Variants in PIWIL1 observed in about 807,000 individuals in gnomAD.
The protein encoded by PIWIL1 is piwi-like protein 1.
PIWIL1 carries 73 observed loss-of-function variants against 114.4 expected under a neutral mutation model. The ratio of observed to expected loss-of-function variants is 0.64; its 90% CI spans 0.53 to 0.78. PIWIL1 has a LOEUF of 0.78. Among genes scored for constraint, PIWIL1 ranks in the 30% least tolerant of loss-of-function variants. The pLI is 0.00. For synonymous variants in PIWIL1, 375 were observed against 369.0 expected (o/e 1.02, Z -0.19); for missense variants, 723 against 1,063.1 (o/e 0.68, Z 4.45).
At chr12:130,412,115 C>T in the PIWIL1 span, among the ~76,000 whole-genome samples, 2 of 151,974 alleles carry the variant, frequency 1.3e-5, no homozygotes, top group Non-Finnish European at 2.9e-5. Flanking sequence ...AATAGTTTTG[C>T]TGCATTCTCA....
chr12:130,393,354 G>A, the PIWIL1 span, among the ~76,000 whole-genome samples: 1 of 151,496 alleles, frequency 6.6e-6, no homozygotes, highest in Non-Finnish European at 1.5e-5. Context: ...GTGTCCGTCA[G>A]TTACCTGGTG....
chr12:130,358,250 C>T (rs115316223), intron 14 of PIWIL1, among the ~76,000 whole-genome samples: 42 of 152,242 alleles, frequency 2.8e-4, no homozygotes, highest in African/African-American at 1.0e-3. Context: ...GAGACAGGGA[C>T]GTTAGATGAT....
chr12:130,405,463 C>T, the PIWIL1 span, among the ~76,000 whole-genome samples: 1 of 152,178 alleles, frequency 6.6e-6, no homozygotes, highest in Non-Finnish European at 1.5e-5. Context: ...GGGACCCCCA[C>T]TGGGCTCTGC....
At chr12:130,349,497 A>G (rs1479082211) in intron 8 of PIWIL1, 61 bp downstream of exon 8, 1 of 1,105,888 alleles carries the variant, frequency 9.0e-7, no homozygotes, top group Admixed American at 1.9e-5. Flanking sequence ...GTGGCTTTCT[A>G]GTTCTACCAT....
the PIWIL1 span, among the ~76,000 whole-genome samples, chr12:130,393,243 A>C: frequency 6.9e-6 from 1 of 143,986 alleles, no homozygotes; most frequent in East Asian, 2.0e-4. Flanking sequence ...TTACCTGGTG[A>C]GTATTGAATG....
intron 16 of PIWIL1, 75 bp downstream of exon 16, chr12:130,361,676 A>G (rs1043503712): frequency 2.6e-6 from 3 of 1,142,818 alleles, no homozygotes; most frequent in Non-Finnish European, 3.9e-6. Context: ...AGTAGTGTTC[A>G]TTCTTCGTTG....
At chr12:130,407,886 G>T in the PIWIL1 span, 1 of 1,493,268 alleles carries the variant, frequency 6.7e-7, no homozygotes, top group East Asian at 2.3e-5. Flanking sequence ...AAACTTAGCG[G>T]TGTTCCCCTC....
At chr12:130,356,812 G>A in intron 12 of PIWIL1, 106 bp from the exon 13 acceptor site, 1 of 710,714 alleles carries the variant, frequency 1.4e-6, no homozygotes. Context: ...CATAAAAGTA[G>A]TACACTAAGT....
At chr12:130,421,723 G>GTGTGTGTGTT in the PIWIL1 span, among the ~76,000 whole-genome samples, 10 of 148,066 alleles carry the variant, frequency 6.8e-5, no homozygotes, top group Non-Finnish European at 1.5e-4. Context: ...GTGTGTGTGT[G>GTGTGTGTGTT]TTTTCATAGA....
intron 13 of PIWIL1, among the ~76,000 whole-genome samples, 180 bp from the exon 14 acceptor site, chr12:130,357,301 C>T (rs1018255910): frequency 2.6e-5 from 4 of 151,818 alleles, no homozygotes; most frequent in Non-Finnish European, 5.9e-5. Flanking sequence ...TTTCTGAAAC[C>T]TGCGTGCTTA....
intron 19 of PIWIL1, among the ~76,000 whole-genome samples, chr12:130,369,243 C>T (rs937799332): frequency 1.3e-5 from 2 of 152,172 alleles, no homozygotes; most frequent in African/African-American, 4.8e-5. Flanking sequence ...CTTTATATGG[C>T]TGCATAGTAT....
intron 16 of PIWIL1, 112 bp from the exon 17 acceptor site, chr12:130,362,654 G>C (rs2073546038): frequency 2.3e-6 from 2 of 862,410 alleles, no homozygotes; most frequent in African/African-American, 3.3e-5. Context: ...TGTCTTTAAG[G>C]CAGTTACAAA....
downstream of PIWIL1, among the ~76,000 whole-genome samples, chr12:130,376,557 C>G (rs2136208681): frequency 6.6e-6 from 1 of 152,316 alleles, no homozygotes; most frequent in Non-Finnish European, 1.5e-5. Context: ...TTTCTTGAAG[C>G]CCTGTTCCAG....
chr12:130,414,217 C>A, the PIWIL1 span: 1 of 1,614,204 alleles, frequency 6.2e-7, no homozygotes, highest in Non-Finnish European at 8.5e-7. Context: ...AAGAGAGCCA[C>A]AAAGATCCGG....
chr12:130,424,576 C>G, the PIWIL1 span: 2 of 1,231,996 alleles, frequency 1.6e-6, no homozygotes, highest in East Asian at 6.3e-5. This position sits in a 1 kb window ranked among gnomAD's most constrained non-coding sequence, Gnocchi z 9.8. Context: ...AGAAGGAAGT[C>G]CTCCACGTGG....
At chr12:130,363,234 A>G in intron 18 of PIWIL1, 90 bp downstream of exon 18, 1 of 1,316,318 alleles carries the variant, frequency 7.6e-7, no homozygotes, top group Non-Finnish European at 1.1e-6. Flanking sequence ...AGGATGAGGG[A>G]GAACCTAACT....
rs750461577 is a variant in PIWIL1, at chr12:130,342,614, G to A, written c.23G>A (p.Arg8Lys). 3 of 1,613,864 alleles carry A rather than the reference G, an allele frequency of 1.9e-6. No homozygotes were observed. Among genetic ancestry groups the A allele is most frequent in the Non-Finnish European group, 2.5e-6 (3 of 1,179,866 alleles). MTGRARARARGRARGQET... is the reference protein window; with the variant it reads MTGRARAKARGRARGQET... Reference sequence around the variant, plus strand: ...ACAATGACTGGGAGAGCCCGAGCCAGAGCCAGAGGAAGGGCCCGCGGTCAG... The same window carrying A: ...ACAATGACTGGGAGAGCCCGAGCCAAAGCCAGAGGAAGGGCCCGCGGTCAG... Residue 8 changes from arginine (R) to lysine (K), a missense_variant, in exon 2 of 21, where the codon AGA (arginine) becomes AAA (lysine). Transcript: ENST00000245255.
downstream of PIWIL1, among the ~76,000 whole-genome samples, chr12:130,373,747 G>C (rs146285172): frequency 6.6e-6 from 1 of 152,108 alleles, no homozygotes; most frequent in Non-Finnish European, 1.5e-5. Context: ...CCTTAACATC[G>C]TCTTGGTTAT....
chr12:130,346,133 A>G (rs1181817740), intron 4 of PIWIL1, among the ~76,000 whole-genome samples: 1 of 152,166 alleles, frequency 6.6e-6, no homozygotes, highest in Non-Finnish European at 1.5e-5. Flanking sequence ...TTTTGTTGCA[A>G]ATTATTTGTA....
Sources: gnomAD v4.1 joint callset for allele counts (sites outside exome capture counted in the v4.1 genomes callset) on GRCh38, gnomAD v4.1.1 for gene constraint, Gnocchi (gnomAD v3.1) non-coding constraint, MANE v1.5 for transcripts, NCBI Gene and HGNC (gene_info 2026-07-23, HGNC 2026-07-21) for gene names.